DLGAP2: variants seen among roughly 807,000 people sequenced by gnomAD.
The protein encoded by DLGAP2 is DLG associated protein 2, also known as disks large-associated protein 2.
Under a neutral mutation model 100.3 loss-of-function variants are expected in DLGAP2, and 26 were observed. That is an observed-to-expected ratio of 0.26 (90% confidence interval 0.19 to 0.36). DLGAP2 has a LOEUF of 0.36. DLGAP2 is among the 10% of genes least tolerant of loss of function. The probability of loss-of-function intolerance (pLI) is 1.00; values close to 1 mark genes in which losing one functional copy is unlikely to be tolerated. For synonymous variants in DLGAP2, 886 were observed against 630.1 expected (o/e 1.41, Z -6.08); for missense variants, 1,858 against 1,453.2 (o/e 1.28, Z -4.53).
intron 4 of DLGAP2, among the ~76,000 whole-genome samples, chr8:1,525,311 T>C (rs1425168078): frequency 6.6e-6 from 1 of 152,142 alleles, no homozygotes; most frequent in Admixed American, 6.5e-5. Flanking sequence ...TACCACTATG[T>C]ATTATCTAAT....
At chr8:1,142,483 A>G (rs1796538918) in intron 2 of DLGAP2, among the ~76,000 whole-genome samples, 1 of 152,224 alleles carries the variant, frequency 6.6e-6, no homozygotes, top group South Asian at 2.1e-4. Flanking sequence ...TTCGATAGAT[A>G]TTTGTGAATT....
chr8:1,207,766 G>C (rs1798026068), intron 2 of DLGAP2, among the ~76,000 whole-genome samples: 1 of 152,154 alleles, frequency 6.6e-6, no homozygotes, highest in Admixed American at 6.5e-5. Flanking sequence ...TGTTGCAGGA[G>C]TGAGGTGGTG....
At chr8:965,018 C>T (rs1427348499) in intron 2 of DLGAP2, among the ~76,000 whole-genome samples, 3 of 151,072 alleles carry the variant, frequency 2.0e-5, no homozygotes, top group Admixed American at 1.3e-4. Context: ...TGAGTCTGAC[C>T]CCTGCGCTGC....
chr8:1,261,745 T>C (rs1169358491), intron 3 of DLGAP2, among the ~76,000 whole-genome samples: 1 of 152,238 alleles, frequency 6.6e-6, no homozygotes, highest in African/African-American at 2.4e-5. Flanking sequence ...AGCACTGTCA[T>C]ATGAATATTC....
intron 2 of DLGAP2, among the ~76,000 whole-genome samples, chr8:1,136,594 C>G (rs1389979883): frequency 6.6e-6 from 1 of 152,156 alleles, no homozygotes; most frequent in Non-Finnish European, 1.5e-5. Context: ...GATCTAGTGC[C>G]TGGTGCACAG....
rs1419261740 is a variant in DLGAP2, at chr8:1,467,487, C to T, written c.107-33879C>T. On this transcript the variant is annotated intron_variant, in intron 3 of 14. Coordinates refer to ENST00000637795, the MANE Select transcript of DLGAP2 (RefSeq NM_001346810.2). ...TCACTAGACCCGTTGAAGGCAGGGA[C>T]TCCGTGACCTCGGCTCCAGACCCCC... 2.0e-5 allele frequency among the ~76,000 whole-genome samples: 3 copies of T among 151,980 alleles called. No homozygotes were observed. The East Asian group carries it at 5.8e-4, about 29-fold the overall frequency.
At chr8:810,179 A>G (rs1454590729) in intron 1 of DLGAP2, among the ~76,000 whole-genome samples, 1 of 152,198 alleles carries the variant, frequency 6.6e-6, no homozygotes, top group Non-Finnish European at 1.5e-5. Flanking sequence ...TCCACAGTGA[A>G]TCTCATGCTG....
intron 2 of DLGAP2, among the ~76,000 whole-genome samples, chr8:1,220,531 T>C (rs1798295446): frequency 6.6e-6 from 1 of 152,206 alleles, no homozygotes; most frequent in Admixed American, 6.5e-5. Flanking sequence ...AAGGATGTTA[T>C]CAATCTTGGA....
At chr8:1,133,142 T>G (rs1051094861) in intron 2 of DLGAP2, among the ~76,000 whole-genome samples, 1 of 152,172 alleles carries the variant, frequency 6.6e-6, no homozygotes, top group Admixed American at 6.5e-5. Context: ...AGCATTAGCT[T>G]CCTTGGCTAT....
chr8:1,343,882 C>T (rs146844988), intron 3 of DLGAP2, among the ~76,000 whole-genome samples: 1 of 152,196 alleles, frequency 6.6e-6, no homozygotes. Flanking sequence ...GCTCAGCCCT[C>T]TCACGCTTCT....
chr8:778,180 T>C (rs1821580187), intron 1 of DLGAP2, among the ~76,000 whole-genome samples: 1 of 152,192 alleles, frequency 6.6e-6, no homozygotes, highest in Admixed American at 6.5e-5. Flanking sequence ...TTCTTGAGCC[T>C]TGGTTTTCAG....
In DLGAP2 at chr8:826,675, C is replaced by T. The variant is rs1050296431; in HGVS notation, c.19-81237C>T. The stretch of plus-strand genomic sequence containing the variant: ...GTCTCGAGGGTCCCGCGCCCCCTCT[C>T]GCAGCCTTCTCTGCCCGTCTGTGCT... On this transcript the variant is annotated intron_variant, in intron 1 of 14. Coordinates refer to ENST00000637795, the MANE Select transcript of DLGAP2 (RefSeq NM_001346810.2). 5.3e-5 allele frequency among the ~76,000 whole-genome samples: 8 copies of T among 152,096 alleles called. No individual in the cohort carries two copies. The East Asian group carries it at 9.7e-4, about 18-fold the overall frequency.
chr8:1,295,518 C>G (rs893875457), intron 3 of DLGAP2, among the ~76,000 whole-genome samples: 7 of 152,170 alleles, frequency 4.6e-5, no homozygotes, highest in Non-Finnish European at 8.8e-5. Context: ...TGCTGGAGCA[C>G]CCCAGCCATC....
chr8:1,203,500 C>G (rs900237543), intron 2 of DLGAP2, among the ~76,000 whole-genome samples: 3 of 152,218 alleles, frequency 2.0e-5, no homozygotes, highest in Middle Eastern at 3.4e-3. Flanking sequence ...TTTTGCGTGT[C>G]CTGAGTAGGG....
chr8:1,213,618 T>C (rs949992647), intron 2 of DLGAP2, among the ~76,000 whole-genome samples: 7 of 152,152 alleles, frequency 4.6e-5, no homozygotes, highest in Admixed American at 3.9e-4. Flanking sequence ...TAAGCAGCGT[T>C]CATGCATTCC....
rs1491112206 is a variant in DLGAP2, at chr8:1,419,440, ACG to A, written c.107-81925_107-81924del. Among the ~76,000 whole-genome samples the A allele has an allele frequency of 2.1e-4, 7 of 34,012 alleles. 2 individuals are homozygous for A. The highest frequency in any genetic ancestry group is 1.1e-3 in the African/African-American group (7 of 6,532). 22.3% of individuals were successfully genotyped at this position (34,012 alleles called of 152,430 possible). On this transcript the variant is annotated intron_variant, in intron 3 of 14. Transcript: ENST00000637795. ...GTGGGATACTGTGTTACACTCTGAT[ACG>A]TGTGTGTGTGTGTGTGTGTGTGTGT...
chr8:1,473,016 C>T (rs528164391), intron 3 of DLGAP2, among the ~76,000 whole-genome samples: 22 of 152,218 alleles, frequency 1.4e-4, no homozygotes, highest in African/African-American at 4.3e-4. Context: ...CTGCAACCTC[C>T]GCCTCCCAGG....
intron 2 of DLGAP2, among the ~76,000 whole-genome samples, chr8:1,129,427 A>C (rs1796240744): frequency 6.6e-6 from 1 of 152,118 alleles, no homozygotes; most frequent in Non-Finnish European, 1.5e-5. Flanking sequence ...AATTTACTTA[A>C]AGAGGTAAAA....
intron 2 of DLGAP2, among the ~76,000 whole-genome samples, chr8:921,286 G>T (rs1798708361): frequency 6.6e-6 from 1 of 152,110 alleles, no homozygotes; most frequent in African/African-American, 2.4e-5. Context: ...TTAAATGTTG[G>T]TCAGACCCGT....
Sources: gnomAD v4.1 joint callset for allele counts (sites outside exome capture counted in the v4.1 genomes callset) on GRCh38, gnomAD v4.1.1 for gene constraint, MANE v1.5 for transcripts, NCBI Gene and HGNC (gene_info 2026-07-23, HGNC 2026-07-21) for gene names.